The following NDUFA5 variants were observed in gnomAD, a reference collection of about 807,000 sequenced individuals.
The protein encoded by NDUFA5 is NADH:ubiquinone oxidoreductase subunit A5, also known as NADH dehydrogenase [ubiquinone] 1 alpha subcomplex subunit 5.
Under a neutral mutation model 19.8 loss-of-function variants are expected in NDUFA5, and 11 were observed. The ratio of observed to expected loss-of-function variants is 0.56; its 90% CI spans 0.35 to 0.92. NDUFA5 has a LOEUF of 0.92. Among genes scored for constraint, NDUFA5 ranks in the 40% least tolerant of loss-of-function variants. The pLI is 0.01. For missense variants in NDUFA5, 109 were observed against 134.2 expected (o/e 0.81, Z 0.93); for synonymous variants, 47 against 46.8 (o/e 1.00, Z -0.01).
the NDUFA5 span, among the ~76,000 whole-genome samples, chr7:123,591,727 C>T: frequency 5.3e-4 from 80 of 152,184 alleles, no homozygotes; most frequent in African/African-American, 1.7e-3. Context: ...ATTTTCACAT[C>T]GATGTTCATC....
the NDUFA5 span, among the ~76,000 whole-genome samples, chr7:123,570,799 A>G: frequency 6.6e-6 from 1 of 152,210 alleles, no homozygotes; most frequent in Admixed American, 6.5e-5. Flanking sequence ...TCCATTTCCC[A>G]TTACCACTGC....
chr7:123,572,212 C>T, the NDUFA5 span, among the ~76,000 whole-genome samples: 1 of 140,278 alleles, frequency 7.1e-6, no homozygotes, highest in Non-Finnish European at 1.5e-5. Flanking sequence ...CGCGATCTTG[C>T]CTCACTGCAA....
At chr7:123,572,988 AT>A in the NDUFA5 span, among the ~76,000 whole-genome samples, 2 of 152,152 alleles carry the variant, frequency 1.3e-5, no homozygotes, top group South Asian at 4.1e-4. Context: ...GACCTATCAA[AT>A]TTTAACAAAC....
the NDUFA5 span, among the ~76,000 whole-genome samples, chr7:123,582,489 T>C: frequency 6.6e-6 from 1 of 151,982 alleles, no homozygotes; most frequent in African/African-American, 2.4e-5. Context: ...ACATATATCC[T>C]ACATATTCTA....
At chr7:123,546,381 T>C (rs1246771604) in intron 3 of NDUFA5, among the ~76,000 whole-genome samples, 4 of 152,150 alleles carry the variant, frequency 2.6e-5, no homozygotes, top group Non-Finnish European at 4.4e-5. Context: ...AAGTAGTAAA[T>C]TGAAGGGGAA....
chr7:123,551,921 G>C (rs1408656498), intron 2 of NDUFA5, among the ~76,000 whole-genome samples: 1 of 152,098 alleles, frequency 6.6e-6, no homozygotes, highest in Non-Finnish European at 1.5e-5. Flanking sequence ...ATGTATCAGT[G>C]TCTAGAGAAA....
chr7:123,574,660 T>G, the NDUFA5 span, among the ~76,000 whole-genome samples: 2 of 152,114 alleles, frequency 1.3e-5, no homozygotes, highest in Non-Finnish European at 2.9e-5. Flanking sequence ...TGAACCTCAT[T>G]CTACTTGCCA....
chr7:123,553,869 T>A (rs1798443436), intron 2 of NDUFA5, among the ~76,000 whole-genome samples: 1 of 152,182 alleles, frequency 6.6e-6, no homozygotes, highest in South Asian at 2.1e-4. Context: ...AGAAGAAGAA[T>A]TCACTTCAGC....
At chr7:123,601,420 T>C in the NDUFA5 span, among the ~76,000 whole-genome samples, 1 of 152,278 alleles carries the variant, frequency 6.6e-6, no homozygotes, top group East Asian at 1.9e-4. Flanking sequence ...GACAAGAAGA[T>C]TGTATTTAAT....
chr7:123,569,456 T>C, the NDUFA5 span, among the ~76,000 whole-genome samples: 1 of 152,136 alleles, frequency 6.6e-6, no homozygotes, highest in Non-Finnish European at 1.5e-5. Context: ...GTGTGGGTGG[T>C]GGTGTGTGAT....
At chr7:123,554,508 T>G (rs1562898531) in intron 2 of NDUFA5, among the ~76,000 whole-genome samples, 2 of 152,084 alleles carry the variant, frequency 1.3e-5, no homozygotes, top group South Asian at 4.2e-4. Context: ...AGTTTTAAAC[T>G]ATGTGCCGTT....
intron 2 of NDUFA5, 25 bp from the exon 3 acceptor site, chr7:123,550,611 T>A (rs192811609): frequency 3.6e-6 from 5 of 1,402,208 alleles, no homozygotes; most frequent in African/African-American, 1.4e-5. Flanking sequence ...CATACAAATT[T>A]CCATAGGTTA....
the NDUFA5 span, among the ~76,000 whole-genome samples, chr7:123,588,171 T>C: frequency 1.3e-5 from 2 of 151,852 alleles, no homozygotes; most frequent in African/African-American, 4.8e-5. Context: ...GGGTTTCTCT[T>C]TGTAGGGAGA....
At chr7:123,557,731 A>G (rs1382822435) in intron 1 of NDUFA5, 44 bp downstream of exon 1, 13 of 1,612,958 alleles carry the variant, frequency 8.1e-6, no homozygotes, top group Non-Finnish European at 1.0e-5. Flanking sequence ...GACTGAGTCT[A>G]CCCCCACAGT....
rs1485537655 is a variant in NDUFA5 at position 123,539,036 on chromosome 7, G to C, written c.*3083C>G. On this transcript the variant is annotated 3_prime_UTR_variant, in exon 5 of 5. Transcript: ENST00000355749. ...CCCCCAATTCTGAGGGAAAAGGAGG[G>C]GGAGGGGAGAATGAGGGAGAGTGAA... The C allele has an allele frequency of 1.3e-5, 2 of 152,180 alleles. No homozygotes were observed. Among genetic ancestry groups the C allele is most frequent in the Non-Finnish European group, 2.9e-5 (2 of 68,034 alleles). The allele number at this position is 152,180 out of a possible 1,614,324, so 9.4% of individuals were successfully genotyped here.
chr7:123,598,597 C>T, the NDUFA5 span, among the ~76,000 whole-genome samples: 3 of 152,144 alleles, frequency 2.0e-5, no homozygotes, highest in African/African-American at 7.2e-5. Flanking sequence ...GAAATAACTG[C>T]GAACCCATTT....
At position 123,550,555 on chromosome 7, in the gene NDUFA5, T is replaced by G; in HGVS notation, c.98A>C (p.Asp33Ala). Residue 33 changes from aspartate (D) to alanine (A), a missense_variant, in exon 3 of 5, where the codon GAT (aspartate) becomes GCT (alanine). Asp to Ala is a moderately radical substitution (Grantham distance 126). Coordinates refer to ENST00000355749, the MANE Select transcript of NDUFA5 (RefSeq NM_005000.5). ...ATTTTTAGGGATTTCCTCAAGAACA[T>G]CAAGAATCTTTGTGTACAATATTCT... Reference protein sequence around the residue: ...RLRILYTKILDVLEEIPKNAA... With the variant: ...RLRILYTKILAVLEEIPKNAA... 1 of 1,608,928 alleles carries G rather than the reference T, an allele frequency of 6.2e-7. No homozygotes were observed.
the NDUFA5 span, among the ~76,000 whole-genome samples, chr7:123,579,890 T>C: frequency 1.3e-5 from 2 of 152,044 alleles, no homozygotes; most frequent in Admixed American, 6.6e-5. Flanking sequence ...ATTGTTTAGG[T>C]CTCTAGGTTT....
At chr7:123,586,241 C>T in the NDUFA5 span, among the ~76,000 whole-genome samples, 1 of 151,632 alleles carries the variant, frequency 6.6e-6, no homozygotes, top group Non-Finnish European at 1.5e-5. Context: ...TCAACACTTG[C>T]TATCTTTTGA....
Sources: allele counts gnomAD v4.1 joint callset (sites outside exome capture counted in the v4.1 genomes callset), GRCh38; gene constraint gnomAD v4.1.1; transcripts MANE v1.5; gene names NCBI Gene and HGNC (gene_info 2026-07-23, HGNC 2026-07-21).